Variants in CCDC170 observed in about 807,000 individuals in gnomAD.
CCDC170 encodes coiled-coil domain-containing protein 170.
CCDC170 carries 69 observed loss-of-function variants against 72.6 expected under a neutral mutation model. That is an observed-to-expected ratio of 0.95 (90% CI 0.78 to 1.16). The LOEUF (loss-of-function observed/expected upper bound fraction) is 1.16, where lower values mean the gene tolerates loss of function less well. Among genes scored for constraint, CCDC170 ranks in the 50% most tolerant of loss-of-function variants. The pLI, the probability that CCDC170 is intolerant of heterozygous loss-of-function variation, is 0.00. For synonymous variants in CCDC170, 300 were observed against 303.9 expected, an observed-to-expected ratio of 0.99 and a Z score of 0.13; for missense variants, 852 against 832.5, an observed-to-expected ratio of 1.02 and a Z score of -0.29.
At chr6:151,602,802 CTTT>C (rs756217308) in intron 9 of CCDC170, among the ~76,000 whole-genome samples, 3 of 141,306 alleles carry the variant, frequency 2.1e-5, no homozygotes, top group Non-Finnish European at 3.1e-5. Context: ...ATATTTCTTT[CTTT>C]TTTTTTTTTT....
intron 1 of CCDC170, 33 bp downstream of exon 1, chr6:151,494,218 T>G: frequency 6.7e-7 from 1 of 1,488,500 alleles, no homozygotes; most frequent in Non-Finnish European, 8.9e-7. Context: ...CGCGCGGGGG[T>G]GGCCCTGGGG....
rs554578871 is a variant in CCDC170 at position 151,602,654 on chromosome 6, C to T, written c.1710+6077C>T. The stretch of plus-strand genomic sequence containing the variant: ...TGTTTGACAGTTCCTTCTTCACATG[C>T]TCTCACTCTTGCCTGCCACCATGTA... On this transcript the variant is annotated intron_variant, in intron 9 of 10. Coordinates refer to ENST00000239374, the MANE Select transcript of CCDC170 (RefSeq NM_025059.4). 5.2e-3 allele frequency among the ~76,000 whole-genome samples: 799 copies of T among 152,250 alleles called. 6 individuals are homozygous for T. Among genetic ancestry groups the T allele is most frequent in the African/African-American group, 0.018 (766 of 41,544 alleles).
intron 1 of CCDC170, among the ~76,000 whole-genome samples, chr6:151,531,303 A>G (rs924243568): frequency 1.3e-5 from 2 of 152,356 alleles, no homozygotes; most frequent in Admixed American, 1.3e-4. Flanking sequence ...AAAGCACTGA[A>G]TATAAAAAAT....
rs368810420 is a variant in CCDC170, at chr6:151,544,696, G to C, written c.568G>C (p.Asp190His). Reference sequence around the variant, plus strand: ...AGATGAGAGGAATGACAAGGCATCAGATGAAGATTTAATTTTAAAGGTGTC... The same window carrying C: ...AGATGAGAGGAATGACAAGGCATCACATGAAGATTTAATTTTAAAGGTGTC... ...DPDERNDKAS[D>H]EDLILKLRDL... Residue 190 changes from aspartate (D) to histidine (H), a missense_variant, in exon 4 of 11, where the codon GAT becomes CAT. Asp to His is a moderately conservative substitution (Grantham distance 81). Coordinates refer to ENST00000239374, the MANE Select transcript of CCDC170 (RefSeq NM_025059.4). The C allele has an allele frequency of 2.5e-6, 4 of 1,611,828 alleles. No individual in the cohort carries two copies. The African/African-American group carries it at 5.3e-5, about 22-fold the overall frequency.
In CCDC170 at chr6:151,593,156, T is replaced by C. The variant is rs1296564376; in HGVS notation, c.1343T>C (p.Met448Thr). The C allele has an allele frequency of 6.2e-7, 1 of 1,614,108 alleles. No individual in the cohort carries two copies. Among genetic ancestry groups the C allele is most frequent in the African/African-American group, 1.3e-5 (1 of 74,936 alleles). The change falls in exon 8 of 11, where the codon ATG becomes ACG. Residue 448 changes from methionine to threonine, a missense_variant. Met to Thr is a moderately conservative substitution (Grantham distance 81, BLOSUM62 -1). Coordinates refer to ENST00000239374, the MANE Select transcript of CCDC170 (RefSeq NM_025059.4). The part of the protein sequence containing the change: ...QLSQKMKLDQ[M>T]AAELGFDMRL... ...TCTCAGAAAATGAAGTTGGACCAGA[T>C]GGCTGCCGAACTTGGCTTTGACATG...
intron 1 of CCDC170, among the ~76,000 whole-genome samples, chr6:151,509,222 GTATCTA>G (rs1782110831): frequency 7.9e-6 from 1 of 127,344 alleles, no homozygotes; most frequent in African/African-American, 3.3e-5. Context: ...ATCTATCTAT[GTATCTA>G]TCTATCTATC....
intron 7 of CCDC170, 176 bp from the exon 8 acceptor site, chr6:151,592,931 C>T: frequency 1.6e-6 from 1 of 638,832 alleles, no homozygotes; most frequent in Non-Finnish European, 2.7e-6. Flanking sequence ...AGGCAGGGAA[C>T]TGGCAGGGTG....
chr6:151,559,122 C>T (rs897452735), intron 5 of CCDC170, among the ~76,000 whole-genome samples: 15 of 149,918 alleles, frequency 1.0e-4, no homozygotes, highest in East Asian at 7.9e-4. Flanking sequence ...AAATGATTCT[C>T]GTGCCCAGCT....
chr6:151,584,565 G>A (rs1413412524), intron 6 of CCDC170, among the ~76,000 whole-genome samples: 1 of 152,052 alleles, frequency 6.6e-6, no homozygotes, highest in African/African-American at 2.4e-5. Flanking sequence ...AAATATTAAT[G>A]GCTTTTGCCT....
intron 9 of CCDC170, among the ~76,000 whole-genome samples, chr6:151,596,975 C>T (rs111365967): frequency 0.057 from 8,655 of 152,016 alleles, 303 homozygotes; most frequent in South Asian, 0.087. Flanking sequence ...TACAGGCATG[C>T]GCCACCACGC....
intron 9 of CCDC170, among the ~76,000 whole-genome samples, chr6:151,613,946 A>G (rs778469517): frequency 3.5e-4 from 54 of 152,284 alleles, no homozygotes; most frequent in South Asian, 8.3e-4. Flanking sequence ...ATCATTTTAC[A>G]TACCTACCAG....
In CCDC170 at chr6:151,544,547, G is replaced by A. The variant is rs375033535; in HGVS notation, c.444-25G>A. ...GTTATCTTCCATGGTGTTAAATTCT[G>A]ACTTATTTGTTATTTGCCTAACAGA... On this transcript the variant is annotated intron_variant, in intron 3 of 10. Coordinates refer to ENST00000239374, the MANE Select transcript of CCDC170 (RefSeq NM_025059.4). 1.3e-5 allele frequency: 21 copies of A among 1,597,722 alleles called. No homozygotes were observed. The African/African-American group carries it at 2.1e-4, about 16-fold the overall frequency.
chr6:151,499,809 TG>T (rs1781967624), intron 1 of CCDC170, among the ~76,000 whole-genome samples: 1 of 152,240 alleles, frequency 6.6e-6, no homozygotes, highest in African/African-American at 2.4e-5. Context: ...TATATTCCAT[TG>T]TATGCATATG....
intron 1 of CCDC170, among the ~76,000 whole-genome samples, chr6:151,500,505 A>G (rs932186968): frequency 6.8e-6 from 1 of 147,752 alleles, no homozygotes; most frequent in African/African-American, 2.7e-5. Context: ...ATATTGCATT[A>G]AAAAAATCTA....
intron 4 of CCDC170, among the ~76,000 whole-genome samples, chr6:151,548,027 C>G (rs1030455502): frequency 6.6e-6 from 1 of 152,188 alleles, no homozygotes; most frequent in East Asian, 1.9e-4. Context: ...TTCACCTTAC[C>G]TGATGTATTT....
chr6:151,517,572 A>G (rs1009349001), intron 1 of CCDC170, among the ~76,000 whole-genome samples: 3 of 151,686 alleles, frequency 2.0e-5, no homozygotes, highest in Non-Finnish European at 2.9e-5. Context: ...AGCTGAGATT[A>G]CTGGTGCCCA....
intron 9 of CCDC170, among the ~76,000 whole-genome samples, chr6:151,606,913 A>C (rs564622405): frequency 6.6e-6 from 1 of 152,110 alleles, no homozygotes; most frequent in Admixed American, 6.5e-5. Context: ...TTGTTTTCTA[A>C]GTATAGCTAG....
intron 10 of CCDC170, chr6:151,615,887 A>G (rs538950496): frequency 2.0e-6 from 1 of 511,920 alleles, no homozygotes; most frequent in South Asian, 2.7e-5. Flanking sequence ...AACTAGTCAC[A>G]TATTTATTCA....
Position 151,548,340 on chromosome 6 carries a change from G to C in CCDC170, c.625G>C (p.Gly209Arg). The change falls in exon 5 of 11, where the codon GGA (glycine) becomes CGA (arginine). Residue 209 changes from glycine to arginine, a missense_variant. Gly to Arg is a moderately radical substitution (Grantham distance 125, BLOSUM62 -2). Transcript: ENST00000239374. ...GCGCAAAGAAAATGAATTCGTGAAA[G>C]GACAAATTGTTATTCTTGAAGAGAC... ...DLRKENEFVK[G>R]QIVILEETIN... 8 of 1,598,138 alleles carry C rather than the reference G, an allele frequency of 5.0e-6. No homozygotes were observed. The highest frequency in any genetic ancestry group is 6.8e-6 in the Non-Finnish European group (8 of 1,171,650).
Sources: allele counts gnomAD v4.1 joint callset (sites outside exome capture counted in the v4.1 genomes callset), GRCh38; gene constraint gnomAD v4.1.1; transcripts MANE v1.5; gene names NCBI Gene and HGNC (gene_info 2026-07-23, HGNC 2026-07-21).